The following EPHA4 variants were observed in gnomAD, a reference collection of about 807,000 sequenced individuals.
EPHA4 encodes the protein ephrin type-A receptor 4.
EPHA4 carries 19 observed loss-of-function variants against 108.3 expected under a neutral mutation model. The observed-to-expected ratio is 0.18, with a 90% confidence interval of 0.12 to 0.26. The LOEUF is 0.26. EPHA4 is among the 10% of genes least tolerant of loss of function. The probability of loss-of-function intolerance (pLI) is 1.00; values close to 1 mark genes in which losing one functional copy is unlikely to be tolerated. For missense variants in EPHA4, 917 were observed against 1,254.0 expected (o/e 0.73, Z 4.06); for synonymous variants, 449 against 455.5 (o/e 0.99, Z 0.18).
chr2:221,467,004 C>A (rs769589867), intron 5 of EPHA4, among the ~76,000 whole-genome samples: 1 of 152,178 alleles, frequency 6.6e-6, no homozygotes, highest in Non-Finnish European at 1.5e-5. Flanking sequence ...ACAGGGGTAT[C>A]TGTGTACATT....
intron 5 of EPHA4, among the ~76,000 whole-genome samples, chr2:221,461,985 C>T (rs200859401): frequency 2.9e-5 from 4 of 138,918 alleles, no homozygotes; most frequent in Non-Finnish European, 4.6e-5. Context: ...TGAACACATT[C>T]TTTTTTTTTT....
At position 221,471,016 on chromosome 2, in the gene EPHA4, G is replaced by T. The variant is rs947048201; in HGVS notation, c.1318+11336C>A. Among the ~76,000 whole-genome samples the T allele has an allele frequency of 4.6e-5, 7 of 152,140 alleles. No individual in the cohort carries two copies. In the East Asian group the frequency reaches 1.2e-3, roughly 25 times the overall value. On this transcript the variant is annotated intron_variant, in intron 5 of 17. Transcript: ENST00000281821. ...TTTTAGAGTATCAGCTAGAAACTAA[G>T]TTCTATGTGCTAGATAGTTTAAATT...
At position 221,504,844 on chromosome 2, in the gene EPHA4, G is replaced by A. The variant is rs1213059404; in HGVS notation, c.824-3672C>T. Among the ~76,000 whole-genome samples the A allele has an allele frequency of 3.9e-5, 6 of 152,220 alleles. No homozygotes were observed. In the East Asian group the frequency reaches 1.2e-3, roughly 29 times the overall value. On this transcript the variant is annotated intron_variant, in intron 3 of 17. Coordinates refer to ENST00000281821, the MANE Select transcript of EPHA4 (RefSeq NM_004438.5). Reference sequence around the variant, plus strand: ...CTTGTCCAGGGTCATACAGTTAAGTGGTAAGGCCAAGCATTTAACTCCAGT... The same window carrying A: ...CTTGTCCAGGGTCATACAGTTAAGTAGTAAGGCCAAGCATTTAACTCCAGT...
chr2:221,514,960 C>A (rs1028875758), intron 3 of EPHA4, among the ~76,000 whole-genome samples: 1 of 152,054 alleles, frequency 6.6e-6, no homozygotes, highest in Non-Finnish European at 1.5e-5. Context: ...CACTAACAAC[C>A]TAAATTTATC....
At chr2:221,505,640 A>G (rs533619059) in intron 3 of EPHA4, among the ~76,000 whole-genome samples, 35 of 152,282 alleles carry the variant, frequency 2.3e-4, no homozygotes, top group Non-Finnish European at 4.6e-4. Context: ...TTATTTTTCA[A>G]TGTGGCTACT....
At chr2:221,554,811 A>ATATC (rs1222350759) in intron 3 of EPHA4, among the ~76,000 whole-genome samples, 3 of 152,156 alleles carry the variant, frequency 2.0e-5, no homozygotes, top group Non-Finnish European at 4.4e-5. Flanking sequence ...TAGACTTTAA[A>ATATC]TATCTACTCA....
chr2:221,439,579 C>A (rs1040054889), intron 11 of EPHA4, among the ~76,000 whole-genome samples: 1 of 151,756 alleles, frequency 6.6e-6, no homozygotes, highest in Non-Finnish European at 1.5e-5. Flanking sequence ...CCTTGAACTC[C>A]TGGGCTCAAG....
chr2:221,446,360 G>T (rs922472145), intron 8 of EPHA4, among the ~76,000 whole-genome samples, 179 bp from the exon 9 acceptor site: 67 of 152,062 alleles, frequency 4.4e-4, no homozygotes, highest in Admixed American at 3.9e-3. Context: ...GTGAGTCATG[G>T]TTTTAAGCTC....
chr2:221,426,327 A>C (rs1460083648), intron 16 of EPHA4, 137 bp downstream of exon 16: 2 of 1,150,016 alleles, frequency 1.7e-6, no homozygotes, highest in Admixed American at 2.8e-5. Context: ...GAGGCTGTGT[A>C]AAATTATACT....
At chr2:221,565,646 G>A (rs1694608682) in intron 2 of EPHA4, among the ~76,000 whole-genome samples, 1 of 152,144 alleles carries the variant, frequency 6.6e-6, no homozygotes, top group African/African-American at 2.4e-5. Context: ...ACTATGTGAA[G>A]GACCATAAGC....
rs781128122 is a variant in EPHA4 at position 221,455,550 on chromosome 2, C to T, written c.1712G>A (p.Arg571Gln). 4.8e-5 allele frequency: 77 copies of T among 1,613,162 alleles called. No homozygotes were observed. Among genetic ancestry groups the T allele is most frequent in the African/African-American group, 1.1e-4 (8 of 75,004 alleles). ...VILIAAFVIS[R>Q]RRSKYSKAKQ... ...AGTGAGTGGCTTCAGTGCTTACCTC[C>T]GGCTGATGACAAAAGCTGCAATGAG... The change falls in exon 8 of 18, where the codon CGG (arginine) becomes CAG (glutamine). Residue 571 changes from arginine (R) to glutamine (Q), a missense_variant. Physicochemically the swap from Arg to Gln is conservative, Grantham distance 43. Transcript: ENST00000281821.
chr2:221,461,336 G>A (rs1338235210), intron 5 of EPHA4, among the ~76,000 whole-genome samples: 1 of 152,142 alleles, frequency 6.6e-6, no homozygotes, highest in East Asian at 1.9e-4. Context: ...ATATTCCAGG[G>A]CTCTGCCTTT....
rs142531322 is a variant in EPHA4 at position 221,555,370 on chromosome 2, C to A, written c.823+8361G>T. ...TTTGTGAAAGGGGGAAATGGGTGTG[C>A]TGTTTTGCATGAGGACGAATACAGA... On this transcript the variant is annotated intron_variant, in intron 3 of 17. Coordinates refer to ENST00000281821, the MANE Select transcript of EPHA4 (RefSeq NM_004438.5). Among the ~76,000 whole-genome samples the A allele has an allele frequency of 3.0e-3, 462 of 152,234 alleles. 1 individual carries two copies. Among genetic ancestry groups the A allele is most frequent in the Non-Finnish European group, 4.4e-3 (296 of 68,004 alleles).
chr2:221,531,064 G>A (rs180761758), intron 3 of EPHA4, among the ~76,000 whole-genome samples: 8 of 152,110 alleles, frequency 5.3e-5, no homozygotes, highest in Admixed American at 3.9e-4. Flanking sequence ...ATCAGACTAC[G>A]GCTGCTTTAA....
intron 3 of EPHA4, among the ~76,000 whole-genome samples, chr2:221,520,635 T>A (rs934444732): frequency 1.3e-5 from 2 of 152,040 alleles, no homozygotes; most frequent in African/African-American, 2.4e-5. Context: ...AATAGATGTA[T>A]CTTTAGGAAG....
intron 15 of EPHA4, 42 bp from the exon 16 acceptor site, chr2:221,426,661 A>G (rs1183070064): frequency 1.3e-6 from 2 of 1,564,050 alleles, no homozygotes; most frequent in African/African-American, 2.7e-5. Context: ...CGGAGCTACC[A>G]GTGAGACAAG....
intron 3 of EPHA4, among the ~76,000 whole-genome samples, chr2:221,554,072 T>C (rs1355499159): frequency 6.6e-6 from 1 of 152,162 alleles, no homozygotes; most frequent in African/African-American, 2.4e-5. Flanking sequence ...CTTTGAGAAG[T>C]GTGGGTCTGT....
chr2:221,516,440 C>T (rs905395602), intron 3 of EPHA4, among the ~76,000 whole-genome samples: 17 of 151,378 alleles, frequency 1.1e-4, no homozygotes, highest in South Asian at 4.2e-4. Flanking sequence ...CTGCAACCTC[C>T]GCCTCTCAGG....
At chr2:221,467,714 C>T (rs1574587648) in intron 5 of EPHA4, among the ~76,000 whole-genome samples, 1 of 152,192 alleles carries the variant, frequency 6.6e-6, no homozygotes, top group African/African-American at 2.4e-5. Context: ...AGGGAACTAA[C>T]CTCAGGGGCA....
Sources: allele counts gnomAD v4.1 joint callset (sites outside exome capture counted in the v4.1 genomes callset), GRCh38; gene constraint gnomAD v4.1.1; transcripts MANE v1.5; gene names NCBI Gene and HGNC (gene_info 2026-07-23, HGNC 2026-07-21).